Variants in OR4N2 observed in about 807,000 individuals in gnomAD.
OR4N2 encodes the protein olfactory receptor 4N2.
For synonymous variants in OR4N2, 141 were observed against 140.4 expected, an observed-to-expected ratio of 1.00 and a Z score of -0.03; for missense variants, 307 against 377.6, an observed-to-expected ratio of 0.81 and a Z score of 1.55.
chr14:19,825,038 G>C (rs1307306295), intron 1 of OR4N2, among the ~76,000 whole-genome samples: 5 of 152,264 alleles, frequency 3.3e-5, no homozygotes, highest in African/African-American at 1.2e-4. Context: ...AATAAATGTT[G>C]AGACAAATGG....
chr14:19,807,361 A>G (rs2873717), intron 1 of OR4N2, among the ~76,000 whole-genome samples: 1 of 152,096 alleles, frequency 6.6e-6, no homozygotes, highest in African/African-American at 2.4e-5. Flanking sequence ...GAAAAAAAGC[A>G]GAAGACCCAA....
chr14:19,815,838 C>T (rs898050829), intron 1 of OR4N2, among the ~76,000 whole-genome samples: 42 of 152,096 alleles, frequency 2.8e-4, no homozygotes, highest in Non-Finnish European at 5.1e-4. Flanking sequence ...TTAGGTTTTC[C>T]GTTTAAGCCT....
intron 1 of OR4N2, among the ~76,000 whole-genome samples, chr14:19,823,388 C>T (rs1355685733): frequency 2.0e-5 from 3 of 152,148 alleles, no homozygotes; most frequent in Non-Finnish European, 4.4e-5. Context: ...CAGCGTTGGC[C>T]AACTGCAAGA....
At chr14:19,825,329 G>A (rs533618866) in intron 1 of OR4N2, among the ~76,000 whole-genome samples, 35 of 152,234 alleles carry the variant, frequency 2.3e-4, no homozygotes, top group Middle Eastern at 3.4e-3. Context: ...CTTAAAATAC[G>A]TACCCTAAGA....
At chr14:19,813,840 C>T (rs1879360239) in intron 1 of OR4N2, among the ~76,000 whole-genome samples, 1 of 113,342 alleles carries the variant, frequency 8.8e-6, no homozygotes, top group South Asian at 2.6e-4. Flanking sequence ...TGTTTCTTCA[C>T]CTTTTTTTTT....
chr14:19,828,176 A>T lies in OR4N2; in HGVS notation c.728A>T (p.His243Leu). 1 of 1,614,236 alleles carries T rather than the reference A, an allele frequency of 6.2e-7. No individual in the cohort carries two copies. Among genetic ancestry groups the T allele is most frequent in the Non-Finnish European group, 8.5e-7 (1 of 1,180,030 alleles). ...KNKAMSTCIT[H>L]IIVIFFMFGP... Reference sequence around the variant, plus strand: ...AAGGCCATGTCCACGTGCATCACCCATATCATTGTTATATTCTTCATGTTT... The same window carrying T: ...AAGGCCATGTCCACGTGCATCACCCTTATCATTGTTATATTCTTCATGTTT... The change falls in exon 2 of 2, where the codon CAT (histidine) becomes CTT (leucine). Residue 243 changes from histidine to leucine, a missense_variant. Physicochemically the swap from His to Leu is moderately conservative, Grantham distance 99. Transcript: ENST00000557677.
chr14:19,817,026 T>C lies in OR4N2; in HGVS notation c.-9-10414T>C, dbSNP rs531358652. Among the ~76,000 whole-genome samples the C allele has an allele frequency of 1.8e-3, 277 of 152,232 alleles. No individual in the cohort carries two copies. In the Middle Eastern group the frequency reaches 0.02, roughly 11 times the overall value. ...TTGGGTATGTTGAACCAGCCTTGCA[T>C]CCCAGGGATGAAGCTGAGTTGATCA... On this transcript the variant is annotated intron_variant, in intron 1 of 1. Coordinates refer to ENST00000557677, the MANE Select transcript of OR4N2 (RefSeq NM_001004723.3).
At chr14:19,817,531 G>A (rs1879456319) in intron 1 of OR4N2, among the ~76,000 whole-genome samples, 1 of 152,320 alleles carries the variant, frequency 6.6e-6, no homozygotes, top group Admixed American at 6.5e-5. Context: ...TGGGATCAGT[G>A]GTGATACCCC....
chr14:19,816,814 T>C (rs1221480991), intron 1 of OR4N2, among the ~76,000 whole-genome samples: 1 of 152,270 alleles, frequency 6.6e-6, no homozygotes, highest in Non-Finnish European at 1.5e-5. Flanking sequence ...CCATTCGGTA[T>C]GATATTGGCT....
chr14:19,815,290 A>C (rs1211933881), intron 1 of OR4N2, among the ~76,000 whole-genome samples: 1 of 152,266 alleles, frequency 6.6e-6, no homozygotes, highest in Non-Finnish European at 1.5e-5. Context: ...TTCCACCAAC[A>C]GTGTAAAAGC....
chr14:19,825,550 T>TTTAA (rs1449123382), intron 1 of OR4N2, among the ~76,000 whole-genome samples: 5 of 151,376 alleles, frequency 3.3e-5, no homozygotes, highest in African/African-American at 1.2e-4. Flanking sequence ...TATTTATTTA[T>TTTAA]TTATTTATTT....
intron 1 of OR4N2, among the ~76,000 whole-genome samples, chr14:19,804,694 C>G (rs1291936316): frequency 6.6e-6 from 1 of 152,186 alleles, no homozygotes; most frequent in East Asian, 1.9e-4. Context: ...GTGGAGAGTA[C>G]TGTAGATGTC....
At chr14:19,824,674 G>A (rs1336407846) in intron 1 of OR4N2, among the ~76,000 whole-genome samples, 1 of 152,216 alleles carries the variant, frequency 6.6e-6, no homozygotes, top group Admixed American at 6.5e-5. Context: ...AGCCTACTCA[G>A]TGGGAAGACA....
At chr14:19,806,261 C>T (rs1321950389) in intron 1 of OR4N2, among the ~76,000 whole-genome samples, 1 of 152,014 alleles carries the variant, frequency 6.6e-6, no homozygotes, top group Non-Finnish European at 1.5e-5. Context: ...AAATGCCCTA[C>T]TTAAAAGGCA....
rs144910308 is a variant in OR4N2 at position 19,819,780 on chromosome 14, T to A, written c.-9-7660T>A. ...GAAGAGGTGTTCTGGTTTTTGGAATTTTCAGCCTTTTTGCTCTGGTTTTTC... is the reference window on the plus strand; with the variant it reads ...GAAGAGGTGTTCTGGTTTTTGGAATATTCAGCCTTTTTGCTCTGGTTTTTC... On this transcript the variant is annotated intron_variant, in intron 1 of 1. Coordinates refer to ENST00000557677, the MANE Select transcript of OR4N2 (RefSeq NM_001004723.3). 1.6e-3 allele frequency among the ~76,000 whole-genome samples: 245 copies of A among 152,382 alleles called. 1 individual carries two copies. Among genetic ancestry groups the A allele is most frequent in the Middle Eastern group, 3.4e-3 (1 of 294 alleles).
At chr14:19,818,857 CTCTT>C (rs1879492605) in intron 1 of OR4N2, among the ~76,000 whole-genome samples, 1 of 152,210 alleles carries the variant, frequency 6.6e-6, no homozygotes, top group African/African-American at 2.4e-5. Context: ...CCTTCTGGAG[CTCTT>C]GTAAGGCAGG....
intron 1 of OR4N2, among the ~76,000 whole-genome samples, chr14:19,807,097 G>A (rs1456508400): frequency 1.4e-5 from 2 of 145,456 alleles, no homozygotes; most frequent in Non-Finnish European, 3.0e-5. Context: ...AATAAGATAA[G>A]AGGAAAGATT....
chr14:19,829,493 C>T lies in OR4N2; in HGVS notation c.*1121C>T, dbSNP rs1242239808. On this transcript the variant is annotated 3_prime_UTR_variant, in exon 2 of 2. Transcript: ENST00000557677. ...TGGACGTCCAGAGATGCCTTACAGA[C>T]TAACACAGGTGACCAATGTTGTCAG... 4 of 152,380 alleles carry T rather than the reference C, an allele frequency of 2.6e-5. No homozygotes were observed. Among genetic ancestry groups the T allele is most frequent in the Non-Finnish European group, 1.5e-5 (1 of 68,040 alleles). 9.4% of individuals were successfully genotyped at this position (152,380 alleles called of 1,614,324 possible).
intron 1 of OR4N2, among the ~76,000 whole-genome samples, chr14:19,804,165 T>A (rs1879097125): frequency 6.6e-6 from 1 of 152,226 alleles, no homozygotes; most frequent in African/African-American, 2.4e-5. Context: ...GATTTGTTAA[T>A]CTTTTGTATG....
Sources: gnomAD v4.1 joint callset for allele counts (sites outside exome capture counted in the v4.1 genomes callset) on GRCh38, gnomAD v4.1.1 for gene constraint, MANE v1.5 for transcripts, NCBI Gene and HGNC (gene_info 2026-07-23, HGNC 2026-07-21) for gene names.